Variants in GALNT13 observed in about 807,000 individuals in gnomAD.
GALNT13 encodes the protein polypeptide N-acetylgalactosaminyltransferase 13.
Under a neutral mutation model 64.2 loss-of-function variants are expected in GALNT13, and 28 were observed. The observed-to-expected ratio is 0.44, with a 90% confidence interval of 0.32 to 0.60. The LOEUF is 0.60. GALNT13 is among the 20% of genes least tolerant of loss of function. The pLI, the probability that GALNT13 is intolerant of heterozygous loss-of-function variation, is 0.05. For missense variants in GALNT13, 577 were observed against 669.8 expected, an observed-to-expected ratio of 0.86 and a Z score of 1.53; for synonymous variants, 214 against 224.6, an observed-to-expected ratio of 0.95 and a Z score of 0.42.
intron 9 of GALNT13, among the ~76,000 whole-genome samples, chr2:154,344,096 TTC>T (rs1695925997): frequency 6.6e-6 from 1 of 152,150 alleles, no homozygotes; most frequent in African/African-American, 2.4e-5. Context: ...ATTTTATGTA[TTC>T]TGTCTCTATG....
At chr2:153,732,600 G>A in the GALNT13 span, among the ~76,000 whole-genome samples, 1 of 151,938 alleles carries the variant, frequency 6.6e-6, no homozygotes, top group African/African-American at 2.4e-5. Context: ...CTTGTAGGAA[G>A]GTAAAAATGT....
At chr2:153,711,296 A>AAAATCTGGCCTC in the GALNT13 span, among the ~76,000 whole-genome samples, 1 of 152,152 alleles carries the variant, frequency 6.6e-6, no homozygotes, top group South Asian at 2.1e-4. Flanking sequence ...AACATTAACT[A>AAAATCTGGCCTC]AAATCTGGCC....
At chr2:153,494,217 T>G in the GALNT13 span, among the ~76,000 whole-genome samples, 1 of 152,118 alleles carries the variant, frequency 6.6e-6, no homozygotes, top group Middle Eastern at 3.4e-3. Context: ...TTTTCCCAAT[T>G]GTGTGTATGT....
chr2:154,012,336 G>A (rs1317789064), intron 3 of GALNT13, among the ~76,000 whole-genome samples: 1 of 152,108 alleles, frequency 6.6e-6, no homozygotes, highest in African/African-American at 2.4e-5. Flanking sequence ...GGCTTAGTGT[G>A]GCTGGATCTG....
chr2:153,580,831 T>C, the GALNT13 span, among the ~76,000 whole-genome samples: 1 of 152,176 alleles, frequency 6.6e-6, no homozygotes, highest in Non-Finnish European at 1.5e-5. Flanking sequence ...AGTACCAACA[T>C]ATACTCCAGT....
At chr2:154,353,258 A>G (rs1032680351) in intron 9 of GALNT13, among the ~76,000 whole-genome samples, 3 of 152,194 alleles carry the variant, frequency 2.0e-5, no homozygotes, top group Non-Finnish European at 4.4e-5. Context: ...GTTAGCACTC[A>G]ATGAACCTGC....
intron 3 of GALNT13, among the ~76,000 whole-genome samples, chr2:154,078,076 G>A (rs1701084344): frequency 6.6e-6 from 1 of 151,420 alleles, no homozygotes; most frequent in Admixed American, 6.6e-5. Flanking sequence ...ATACTCTGCA[G>A]TTTTCTAATT....
chr2:153,642,279 T>C, the GALNT13 span, among the ~76,000 whole-genome samples: 14 of 152,062 alleles, frequency 9.2e-5, no homozygotes, highest in South Asian at 8.3e-4. Flanking sequence ...AATATATTCA[T>C]GTGGTCTTGT....
At chr2:153,701,007 T>G in the GALNT13 span, among the ~76,000 whole-genome samples, 1 of 152,160 alleles carries the variant, frequency 6.6e-6, no homozygotes, top group Admixed American at 6.5e-5. Context: ...TTACATTTCA[T>G]ATGGAACAAA....
the GALNT13 span, among the ~76,000 whole-genome samples, chr2:153,330,482 C>T: frequency 2.6e-5 from 4 of 152,084 alleles, no homozygotes; most frequent in African/African-American, 9.7e-5. Context: ...GATCTATCAC[C>T]TCCTAGGTTA....
At chr2:153,210,971 G>A in the GALNT13 span, among the ~76,000 whole-genome samples, 2 of 151,992 alleles carry the variant, frequency 1.3e-5, no homozygotes, top group African/African-American at 4.8e-5. Flanking sequence ...AACCTATGCT[G>A]TACAGAAAAT....
the GALNT13 span, among the ~76,000 whole-genome samples, chr2:153,182,331 A>C: frequency 6.6e-6 from 1 of 152,256 alleles, no homozygotes; most frequent in African/African-American, 2.4e-5. Flanking sequence ...GGCGTGAGCC[A>C]CAGTGCCCGG....
chr2:153,782,288 T>C, the GALNT13 span, among the ~76,000 whole-genome samples: 1 of 152,182 alleles, frequency 6.6e-6, no homozygotes, highest in Admixed American at 6.5e-5. Context: ...ACAAGCTAGA[T>C]CACATTTCTC....
intron 4 of GALNT13, among the ~76,000 whole-genome samples, chr2:154,161,783 AT>A (rs199651253): frequency 0.05 from 7,447 of 147,494 alleles, 353 homozygotes; most frequent in African/African-American, 0.12. Context: ...AATCAAGTGT[AT>A]TTTTTTTTTT....
chr2:153,285,378 C>T, the GALNT13 span, among the ~76,000 whole-genome samples: 1 of 152,142 alleles, frequency 6.6e-6, no homozygotes, highest in African/African-American at 2.4e-5. Context: ...ACATCCTCTT[C>T]CTTATCATTA....
the GALNT13 span, among the ~76,000 whole-genome samples, chr2:153,435,996 C>T: frequency 3.3e-5 from 5 of 152,252 alleles, no homozygotes; most frequent in South Asian, 4.1e-4. Flanking sequence ...TTTTGAGATA[C>T]GTGCCATCAA....
the GALNT13 span, among the ~76,000 whole-genome samples, chr2:153,847,912 C>A: frequency 6.6e-6 from 1 of 152,106 alleles, no homozygotes; most frequent in African/African-American, 2.4e-5. Context: ...AGTTTGATCC[C>A]ATGGAGCGCT....
chr2:153,584,428 G>A, the GALNT13 span, among the ~76,000 whole-genome samples: 4 of 152,164 alleles, frequency 2.6e-5, no homozygotes, highest in East Asian at 1.9e-4. Flanking sequence ...CCCTAGCCGG[G>A]TCTTACCTGC....
chr2:153,586,896 C>G, the GALNT13 span, among the ~76,000 whole-genome samples: 1 of 149,976 alleles, frequency 6.7e-6, no homozygotes, highest in Non-Finnish European at 1.5e-5. Context: ...GAAATTGTAC[C>G]AATACATGGA....
Sources: gnomAD v4.1 joint callset for allele counts (sites outside exome capture counted in the v4.1 genomes callset) on GRCh38, gnomAD v4.1.1 for gene constraint, MANE v1.5 for transcripts, NCBI Gene and HGNC (gene_info 2026-07-23, HGNC 2026-07-21) for gene names.